KIF3B: variants seen among roughly 807,000 people sequenced by gnomAD.
KIF3B encodes the protein kinesin-like protein KIF3B.
A neutral mutation model predicts 74.3 loss-of-function variants in KIF3B; 38 were observed. That is an observed-to-expected ratio of 0.51 (90% CI 0.39 to 0.67). KIF3B has a LOEUF of 0.67. Among genes scored for constraint, KIF3B ranks in the 30% least tolerant of loss-of-function variants. The pLI is 0.00. For synonymous variants in KIF3B, 326 were observed against 342.5 expected (o/e 0.95, Z 0.53); for missense variants, 649 against 932.0 (o/e 0.70, Z 3.95).
At chr20:32,313,997 C>T (rs537899117) in intron 2 of KIF3B, among the ~76,000 whole-genome samples, 223 of 152,204 alleles carry the variant, frequency 1.5e-3, no homozygotes, top group Non-Finnish European at 1.6e-3. Context: ...CGTGAGCCAC[C>T]GCACCCTTAT....
chr20:32,297,737 T>C (rs761556349), intron 1 of KIF3B, among the ~76,000 whole-genome samples: 6 of 152,068 alleles, frequency 3.9e-5, no homozygotes, highest in Admixed American at 2.6e-4. Flanking sequence ...AAGATTCCTA[T>C]TGCTGCCACT....
chr20:32,311,021 G>T lies in KIF3B; in HGVS notation c.1244G>T (p.Arg415Leu). 2 of 1,613,690 alleles carry T rather than the reference G, an allele frequency of 1.2e-6. No individual in the cohort carries two copies. The highest frequency in any genetic ancestry group is 1.7e-5 in the Admixed American group (1 of 59,874). ...EEGDDKDDYW[R>L]EQQEKLEIEK... ...GGGGATGATAAGGATGATTACTGGC[G>T]GGAACAGCAAGAAAAACTGGAGATT... is the stretch of plus-strand genomic sequence containing the variant. The change falls in exon 2 of 9, where the codon CGG (arginine) becomes CTG (leucine). Residue 415 changes from arginine (R) to leucine (L), a missense_variant. Around this residue, in one of 4 missense-constraint regions of KIF3B, gnomAD observed 363 missense variants for 592.8 expected, o/e 0.61. Transcript: ENST00000375712.
intron 1 of KIF3B, among the ~76,000 whole-genome samples, chr20:32,280,737 A>AG (rs1555894134): frequency 8.6e-5 from 13 of 151,018 alleles, no homozygotes; most frequent in Non-Finnish European, 1.6e-4. Flanking sequence ...AAAAAAAAAA[A>AG]AAAGAAAGAA....
chr20:32,321,977 A>G lies in KIF3B; in HGVS notation c.1749-4794A>G, dbSNP rs533633186. Among the ~76,000 whole-genome samples the G allele has an allele frequency of 3.3e-5, 5 of 152,122 alleles. No homozygotes were observed. In the South Asian group the frequency reaches 1.0e-3, roughly 32 times the overall value. ...ACTTACTTTATTGGAGTAGTCTGGA[A>G]CCAAACCCACAGTATCTCTGAGGTA... On this transcript the variant is annotated intron_variant, in intron 5 of 8. Coordinates refer to ENST00000375712, the MANE Select transcript of KIF3B (RefSeq NM_004798.4).
At chr20:32,278,921 C>CTTTTTTTT (rs57355936) in intron 1 of KIF3B, among the ~76,000 whole-genome samples, 1 of 118,408 alleles carries the variant, frequency 8.4e-6, no homozygotes, top group Admixed American at 9.5e-5. Flanking sequence ...CTTAAGAATC[C>CTTTTTTTT]TTTTTTTTTT....
chr20:32,325,484 C>T (rs1375872083), intron 5 of KIF3B, among the ~76,000 whole-genome samples: 7 of 151,952 alleles, frequency 4.6e-5, no homozygotes, highest in Admixed American at 3.9e-4. Flanking sequence ...GCCACTGGGC[C>T]TGGCCTGTTT....
chr20:32,279,767 G>A (rs1262626360), intron 1 of KIF3B, among the ~76,000 whole-genome samples: 1 of 152,158 alleles, frequency 6.6e-6, no homozygotes, highest in East Asian at 1.9e-4. Context: ...CCCAGCCTGA[G>A]AGCTGGAATC....
rs1335169999 is a variant in KIF3B, at chr20:32,310,252, G to A, written c.475G>A (p.Asp159Asn). Residue 159 changes from aspartate to asparagine, a missense_variant, in exon 2 of 9, where the codon GAT becomes AAT. Asp to Asn is a conservative substitution (Grantham distance 23, BLOSUM62 1). This residue lies in a region of KIF3B where 363 missense variants were observed against 592.8 expected (regional missense o/e 0.61). Transcript: ENST00000375712. The surrounding 1 kb of genome is among the most constrained non-coding windows in gnomAD (Gnocchi z 6.5). ...QEEIRDLLSK[D>N]QTKRLELKER... ...GGAGATCCGAGATTTGCTCTCAAAG[G>A]ATCAGACCAAAAGGCTTGAGCTCAA... The A allele has an allele frequency of 6.2e-7, 1 of 1,613,904 alleles. No individual in the cohort carries two copies. The highest frequency in any genetic ancestry group is 8.5e-7 in the Non-Finnish European group (1 of 1,179,960).
At chr20:32,296,990 G>A (rs2047719993) in intron 1 of KIF3B, among the ~76,000 whole-genome samples, 1 of 152,094 alleles carries the variant, frequency 6.6e-6, no homozygotes, top group Non-Finnish European at 1.5e-5. Context: ...TTGTAAAAAG[G>A]AGTAGTGTTG....
chr20:32,323,447 T>G (rs2047886650), intron 5 of KIF3B, among the ~76,000 whole-genome samples: 1 of 151,940 alleles, frequency 6.6e-6, no homozygotes, highest in Non-Finnish European at 1.5e-5. Context: ...GTCGCCAGAC[T>G]GGAGTGCAGT....
chr20:32,323,322 A>G (rs2047885681), intron 5 of KIF3B, among the ~76,000 whole-genome samples: 1 of 150,464 alleles, frequency 6.6e-6, no homozygotes, highest in South Asian at 2.1e-4. Flanking sequence ...AGATCTACAT[A>G]TTAGGACTAC....
chr20:32,285,772 A>G (rs1368974922), intron 1 of KIF3B, among the ~76,000 whole-genome samples: 1 of 152,206 alleles, frequency 6.6e-6, no homozygotes, highest in Non-Finnish European at 1.5e-5. Flanking sequence ...TGGTGACTTC[A>G]TACTGAGCTT....
At chr20:32,323,503 G>C (rs2047887129) in intron 5 of KIF3B, among the ~76,000 whole-genome samples, 1 of 151,930 alleles carries the variant, frequency 6.6e-6, no homozygotes, top group African/African-American at 2.4e-5. Context: ...AGGTTCAAGT[G>C]ATTCTCCTGC....
At chr20:32,318,137 A>G (rs1348238316) in intron 5 of KIF3B, among the ~76,000 whole-genome samples, 1 of 152,052 alleles carries the variant, frequency 6.6e-6, no homozygotes, top group Non-Finnish European at 1.5e-5. Context: ...CCCCGTCTCT[A>G]CTAAAAATCC....
intron 1 of KIF3B, among the ~76,000 whole-genome samples, chr20:32,292,955 T>C (rs189102965): frequency 6.6e-6 from 1 of 152,226 alleles, no homozygotes; most frequent in South Asian, 2.1e-4. Context: ...AGGGACTGAC[T>C]GATCAAAGAC....
chr20:32,325,655 CTTTTTTTTTTTTTTTTT>C (rs1164604181), intron 5 of KIF3B, among the ~76,000 whole-genome samples: 1 of 51,104 alleles, frequency 2.0e-5, no homozygotes, highest in African/African-American at 6.5e-5. Flanking sequence ...CTCTCTCTCT[CTTTTTTTTTTTTTTTTT>C]TTTTTTTTTT....
chr20:32,292,586 A>G (rs1251919625), intron 1 of KIF3B, among the ~76,000 whole-genome samples: 2 of 146,970 alleles, frequency 1.4e-5, no homozygotes, highest in Admixed American at 6.8e-5. Flanking sequence ...AAAAATAGAA[A>G]AAAAAAAAAA....
intron 1 of KIF3B, among the ~76,000 whole-genome samples, chr20:32,305,162 C>T (rs1200279245): frequency 6.6e-6 from 1 of 150,824 alleles, no homozygotes; most frequent in South Asian, 2.1e-4. Flanking sequence ...AACAAACAAA[C>T]AAAAAAAACC....
chr20:32,310,731 G>A lies in KIF3B; in HGVS notation c.954G>A (p.Gly318=), dbSNP rs764389662. Residue 318 remains glycine (G), a synonymous_variant, in exon 2 of 9, where the codon GGG becomes GGA. Transcript: ENST00000375712. This position sits in a 1 kb window ranked among gnomAD's most constrained non-coding sequence, Gnocchi z 6.5. ...NAKTVMVANV[G]PASYNVEETL... Reference sequence around the variant, plus strand: ...AGACTGTGATGGTGGCCAACGTGGGGCCTGCCTCTTACAACGTAGAAGAGA... The same window carrying A: ...AGACTGTGATGGTGGCCAACGTGGGACCTGCCTCTTACAACGTAGAAGAGA... 1.9e-6 allele frequency: 3 copies of A among 1,614,150 alleles called. No individual in the cohort carries two copies. The South Asian group carries it at 3.3e-5, about 18-fold the overall frequency.
Sources: allele counts gnomAD v4.1 joint callset (sites outside exome capture counted in the v4.1 genomes callset), GRCh38; gene constraint gnomAD v4.1.1; regional missense constraint gnomAD v4.1.1; non-coding constraint Gnocchi (gnomAD v3.1); transcripts MANE v1.5; gene names NCBI Gene and HGNC (gene_info 2026-07-23, HGNC 2026-07-21).